ESR1: variants seen among roughly 807,000 people sequenced by gnomAD.
The protein encoded by ESR1 is estrogen receptor.
In ESR1, 12 loss-of-function variants were observed where a neutral mutation model predicts 52.7. The ratio of observed to expected loss-of-function variants is 0.23; its 90% CI spans 0.15 to 0.37. The LOEUF (loss-of-function observed/expected upper bound fraction) is 0.37. Ranked by LOEUF, ESR1 falls within the 10% of genes least tolerant of loss-of-function variation. The probability of loss-of-function intolerance (pLI) is 1.00; values close to 1 mark genes in which losing one functional copy is unlikely to be tolerated. For missense variants in ESR1, 584 were observed against 779.7 expected, an observed-to-expected ratio of 0.75 and a Z score of 2.99; for synonymous variants, 305 against 316.8, an observed-to-expected ratio of 0.96 and a Z score of 0.39.
intron 4 of ESR1, among the ~76,000 whole-genome samples, chr6:151,990,838 C>T (rs965213114): frequency 6.6e-6 from 1 of 152,150 alleles, no homozygotes; most frequent in Non-Finnish European, 1.5e-5. Context: ...GGTCACCTTT[C>T]CCTTCCACTT....
intron 3 of ESR1, among the ~76,000 whole-genome samples, chr6:151,898,514 G>A (rs1056837272): frequency 5.3e-5 from 8 of 151,666 alleles, no homozygotes; most frequent in Admixed American, 2.0e-4. Flanking sequence ...GTGCACAAAG[G>A]TCTCTGGTTT....
chr6:152,109,495 G>A (rs540763371), intron 6 of ESR1, among the ~76,000 whole-genome samples: 22 of 150,596 alleles, frequency 1.5e-4, no homozygotes, highest in African/African-American at 2.2e-4. Context: ...GAGAAACTCC[G>A]TCTCTACCAA....
intron 5 of ESR1, among the ~76,000 whole-genome samples, chr6:152,049,733 C>T (rs6902725): frequency 0.23 from 35,095 of 152,042 alleles, 6,097 homozygotes; most frequent in African/African-American, 0.48. Flanking sequence ...CCTCTTGGCT[C>T]TGTGCCAGGG....
rs746329715 is a variant in ESR1, at chr6:151,808,042, C to T, written c.130C>T (p.Leu44=). ...PLERPLGEVY[L]DSSKPAVYNY... Reference sequence around the variant, plus strand: ...GGAGCGGCCCCTGGGCGAGGTGTACCTGGACAGCAGCAAGCCCGCCGTGTA... The same window carrying T: ...GGAGCGGCCCCTGGGCGAGGTGTACTTGGACAGCAGCAAGCCCGCCGTGTA... The change falls in exon 1 of 8, where the codon CTG becomes TTG. Residue 44 remains leucine, a synonymous_variant. Coordinates refer to ENST00000206249, the MANE Select transcript of ESR1 (RefSeq NM_000125.4). 3 of 1,613,758 alleles carry T rather than the reference C, an allele frequency of 1.9e-6. No individual in the cohort carries two copies. The highest frequency in any genetic ancestry group is 2.2e-5 in the East Asian group (1 of 44,842).
At chr6:151,851,448 A>G (rs141405153) in intron 2 of ESR1, among the ~76,000 whole-genome samples, 132 of 152,308 alleles carry the variant, frequency 8.7e-4, no homozygotes, top group Non-Finnish European at 1.2e-3. Context: ...TAAAAGAATA[A>G]ATGGAAATTA....
intron 6 of ESR1, among the ~76,000 whole-genome samples, chr6:152,079,196 C>T (rs1016372398): frequency 2.6e-5 from 4 of 152,198 alleles, no homozygotes; most frequent in Non-Finnish European, 4.4e-5. Context: ...GGTCCCTGAC[C>T]CCCATGTAGC....
chr6:151,991,139 T>C (rs1453933679), intron 4 of ESR1, among the ~76,000 whole-genome samples: 3 of 152,154 alleles, frequency 2.0e-5, no homozygotes, highest in African/African-American at 7.2e-5. Context: ...TTCACTTGGC[T>C]CTGTACAGAC....
At position 152,053,399 on chromosome 6, in the gene ESR1, C is replaced by T. The variant is rs1473546046; in HGVS notation, c.1236-7592C>T. On this transcript the variant is annotated intron_variant, in intron 5 of 7. Transcript: ENST00000206249. This position sits in a 1 kb window ranked among gnomAD's most constrained non-coding sequence, Gnocchi z 4.1. Reference sequence around the variant, plus strand: ...ATTGCCTCCCTCTGCCAGTTTCTTGCCCCTTCCTCCTTCTGTCTCTCCCTC... The same window carrying T: ...ATTGCCTCCCTCTGCCAGTTTCTTGTCCCTTCCTCCTTCTGTCTCTCCCTC... Among the ~76,000 whole-genome samples, 1 of 151,984 alleles carries T rather than the reference C, an allele frequency of 6.6e-6. No individual in the cohort carries two copies. Among genetic ancestry groups the T allele is most frequent in the Non-Finnish European group, 1.5e-5 (1 of 67,998 alleles).
chr6:151,765,708 G>C (rs537280633), intron 2 of ESR1, among the ~76,000 whole-genome samples: 11 of 152,178 alleles, frequency 7.2e-5, no homozygotes, highest in Non-Finnish European at 1.5e-4. Flanking sequence ...TTCATAGAAA[G>C]AGTCTGAATT....
At chr6:151,996,018 C>T (rs1332500638) in intron 4 of ESR1, among the ~76,000 whole-genome samples, 1 of 152,198 alleles carries the variant, frequency 6.6e-6, no homozygotes, top group Non-Finnish European at 1.5e-5. Flanking sequence ...GTTCAGGCCA[C>T]ACTCTTAAGT....
chr6:151,671,382 A>C (rs1158574441), intron 1 of ESR1, among the ~76,000 whole-genome samples: 1 of 152,222 alleles, frequency 6.6e-6, no homozygotes, highest in African/African-American at 2.4e-5. Context: ...CACTTGTGAC[A>C]ACGTAGATGA....
chr6:151,850,133 A>G (rs1420269494), intron 2 of ESR1, among the ~76,000 whole-genome samples: 1 of 2,162 alleles, frequency 4.6e-4, no homozygotes, highest in Non-Finnish European at 1.1e-3. Flanking sequence ...TATGTCTGGT[A>G]CAGGCTGAAT....
intron 2 of ESR1, among the ~76,000 whole-genome samples, chr6:151,729,291 A>G (rs1193892345): frequency 6.6e-6 from 1 of 152,134 alleles, no homozygotes; most frequent in African/African-American, 2.4e-5. Flanking sequence ...AAATTTGCCA[A>G]TGCCTTGGCC....
chr6:151,842,590 C>T lies in ESR1; in HGVS notation c.453-7C>T, dbSNP rs2128234117. 1.2e-6 allele frequency: 2 copies of T among 1,612,044 alleles called. No homozygotes were observed. The highest frequency in any genetic ancestry group is 1.7e-6 in the Non-Finnish European group (2 of 1,179,178). On this transcript the variant is annotated splice_polypyrimidine_tract_variant and splice_region_variant and intron_variant, in intron 1 of 7. Transcript: ENST00000206249. ...TGTTAATGGATTTACTGTTTTTTTC[C>T]CCCCAGGCCAAATTCAGATAATCGA...
rs1782506060 is a variant in ESR1, at chr6:151,734,669, C to T, written c.-71+32664C>T. On this transcript the variant is annotated intron_variant, in intron 2 of 2. Coordinates refer to the ESR1 transcript ENST00000404742. Reference sequence around the variant, plus strand: ...AGACAGTCTCTCTCTGTCACCCAGGCTGGAGTGCAGTGGTGCGATCTAGGC... The same window carrying T: ...AGACAGTCTCTCTCTGTCACCCAGGTTGGAGTGCAGTGGTGCGATCTAGGC... 2.6e-5 allele frequency among the ~76,000 whole-genome samples: 4 copies of T among 152,060 alleles called. No individual in the cohort carries two copies. In the South Asian group the frequency reaches 8.3e-4, roughly 32 times the overall value.
intron 2 of ESR1, among the ~76,000 whole-genome samples, chr6:151,877,146 A>G (rs118106813): frequency 1.6e-4 from 25 of 152,242 alleles, no homozygotes; most frequent in Non-Finnish European, 3.2e-4. Flanking sequence ...GTTTTAGGGT[A>G]CATGTGCACA....
intron 1 of ESR1, among the ~76,000 whole-genome samples, chr6:151,824,868 C>A (rs1415125917): frequency 6.6e-6 from 1 of 151,562 alleles, no homozygotes; most frequent in African/African-American, 2.4e-5. Context: ...TTGCAGTGAG[C>A]CAAGCTTGCA....
intron 6 of ESR1, among the ~76,000 whole-genome samples, chr6:152,078,155 G>C (rs907687027): frequency 1.3e-5 from 2 of 152,204 alleles, no homozygotes; most frequent in Admixed American, 6.5e-5. Flanking sequence ...CCCCTATACT[G>C]TTCTTGTGGT....
At chr6:151,721,329 G>C (rs2128018962) in intron 2 of ESR1, among the ~76,000 whole-genome samples, 1 of 152,292 alleles carries the variant, frequency 6.6e-6, no homozygotes, top group East Asian at 1.9e-4. Context: ...TCTCTGGAGA[G>C]ATTGGGAGTA....
Sources: gnomAD v4.1 joint callset for allele counts (sites outside exome capture counted in the v4.1 genomes callset) on GRCh38, gnomAD v4.1.1 for gene constraint, Gnocchi (gnomAD v3.1) non-coding constraint, MANE v1.5 for transcripts, NCBI Gene and HGNC (gene_info 2026-07-23, HGNC 2026-07-21) for gene names.